UGT1A6: variants seen among roughly 807,000 people sequenced by gnomAD.
UGT1A6 encodes the protein UDP-glucuronosyltransferase 1A6.
Under a neutral mutation model 44.4 loss-of-function variants are expected in UGT1A6, and 32 were observed. That is an observed-to-expected ratio of 0.72 (90% CI 0.54 to 0.97). The LOEUF is 0.97. Ranked by LOEUF, UGT1A6 falls within the 50% of genes least tolerant of loss-of-function variation. UGT1A6 has a pLI of 0.00. For missense variants in UGT1A6, 685 were observed against 661.9 expected (o/e 1.03, Z -0.38); for synonymous variants, 238 against 248.5 (o/e 0.96, Z 0.40).
At chr2:233,719,078 G>C in intron 1 of UGT1A6, 1 of 1,614,254 alleles carries the variant, frequency 6.2e-7, no homozygotes, top group Non-Finnish European at 8.5e-7. Flanking sequence ...CATGGACCCA[G>C]AAGGAATTTG....
At chr2:233,758,569 A>C (rs1696913404) in intron 1 of UGT1A6, among the ~76,000 whole-genome samples, 2 of 152,222 alleles carry the variant, frequency 1.3e-5, no homozygotes, top group Non-Finnish European at 2.9e-5. Context: ...TGGTCCTAAA[A>C]AATGAAGAGT....
Position 233,766,262 on chromosome 2 carries a change from C to T in UGT1A6, c.862-772C>T, listed in dbSNP as rs34353734. On this transcript the variant is annotated intron_variant, in intron 1 of 4. Coordinates refer to ENST00000305139, the MANE Select transcript of UGT1A6 (RefSeq NM_001072.4). ...CCCCTGGAGTCAGACCGCTCAGTGG[C>T]CCGGGCTCGGTGGCCCGGGCTCGGT... is the stretch of plus-strand genomic sequence containing the variant. Among the ~76,000 whole-genome samples, 215 of 68,078 alleles carry T rather than the reference C, an allele frequency of 3.2e-3. 2 individuals carry two copies. Among genetic ancestry groups the T allele is most frequent in the African/African-American group, 0.015 (204 of 13,924 alleles). 44.7% of individuals were successfully genotyped at this position (68,078 alleles called of 152,430 possible).
chr2:233,757,558 A>ATATATATATATATATATATATATC (rs1553619909), intron 1 of UGT1A6, among the ~76,000 whole-genome samples: 1 of 124,446 alleles, frequency 8.0e-6, no homozygotes, highest in African/African-American at 3.3e-5. Context: ...ATATATATAT[A>ATATATATATATATATATATATATC]TATGTATATA....
intron 1 of UGT1A6, among the ~76,000 whole-genome samples, chr2:233,732,777 G>A: frequency 7.1e-6 from 1 of 141,314 alleles, no homozygotes; most frequent in Non-Finnish European, 1.5e-5. Flanking sequence ...TTTTTGCTTA[G>A]GATTGTCTTG....
At chr2:233,712,888 T>C in intron 1 of UGT1A6, 6 of 1,603,412 alleles carry the variant, frequency 3.7e-6, no homozygotes, top group Non-Finnish European at 5.1e-6. Flanking sequence ...CAATTACATG[T>C]TGATTTGCTA....
chr2:233,765,063 G>A (rs1333981989), intron 1 of UGT1A6, among the ~76,000 whole-genome samples: 3 of 152,054 alleles, frequency 2.0e-5, no homozygotes, highest in Non-Finnish European at 4.4e-5. Flanking sequence ...CCCTGTCAGA[G>A]GTCTCCTGTG....
At position 233,730,468 on chromosome 2, in the gene UGT1A6, C is replaced by T. The variant is rs1456755301; in HGVS notation, c.862-36566C>T. ...TGATAGACAGGTGACCACAGGAGAC[C>T]TAGGCACTCACATGAAATAGAAGTG... On this transcript the variant is annotated intron_variant, in intron 1 of 4. Coordinates refer to ENST00000305139, the MANE Select transcript of UGT1A6 (RefSeq NM_001072.4). 5.3e-5 allele frequency among the ~76,000 whole-genome samples: 8 copies of T among 152,226 alleles called. No individual in the cohort carries two copies. In the East Asian group the frequency reaches 1.3e-3, roughly 26 times the overall value.
chr2:233,702,878 T>C (rs2075711688), intron 1 of UGT1A6, among the ~76,000 whole-genome samples: 1 of 152,206 alleles, frequency 6.6e-6, no homozygotes, highest in South Asian at 2.1e-4. Flanking sequence ...TATTGAGGAC[T>C]TTTGCATCAT....
intron 1 of UGT1A6, chr2:233,748,073 A>G (rs1311035028): frequency 6.2e-7 from 1 of 1,613,214 alleles, no homozygotes; most frequent in Non-Finnish European, 8.5e-7. Context: ...GGAAGCCACT[A>G]TCTCAGGTCG....
chr2:233,709,732 ATAC>A (rs1331769272), intron 1 of UGT1A6, among the ~76,000 whole-genome samples: 2 of 152,330 alleles, frequency 1.3e-5, no homozygotes, highest in East Asian at 1.9e-4. Flanking sequence ...TTTTCAATTG[ATAC>A]TACTAAAATA....
chr2:233,713,091 G>C lies in UGT1A6; in HGVS notation c.861+19226G>C, dbSNP rs200372008. ...GGCTGAGAGTGGGAAGGTGCTGGTGGTGCCCACTGATGGCAGCCACTGGCT... is the reference window on the plus strand; with the variant it reads ...GGCTGAGAGTGGGAAGGTGCTGGTGCTGCCCACTGATGGCAGCCACTGGCT... On this transcript the variant is annotated intron_variant, in intron 1 of 4. Transcript: ENST00000305139. The C allele has an allele frequency of 3.7e-6, 6 of 1,614,180 alleles. No individual in the cohort carries two copies. The Admixed American group carries it at 1.0e-4, about 27-fold the overall frequency.
chr2:233,744,298 C>CAA (rs1268189339), intron 1 of UGT1A6, among the ~76,000 whole-genome samples: 1 of 151,760 alleles, frequency 6.6e-6, no homozygotes, highest in Non-Finnish European at 1.5e-5. Flanking sequence ...TTTCCTCGGC[C>CAA]ACAGGAGGGA....
In UGT1A6 at chr2:233,730,882, A is replaced by G. The variant is rs150237801; in HGVS notation, c.862-36152A>G. On this transcript the variant is annotated intron_variant, in intron 1 of 4. Coordinates refer to ENST00000305139, the MANE Select transcript of UGT1A6 (RefSeq NM_001072.4). ...ACCCTACTGCACTCCAGGTTTCTAT[A>G]GTGGGATCTACTCCTTTACCAAAAA... 3.7e-3 allele frequency among the ~76,000 whole-genome samples: 556 copies of G among 152,264 alleles called. 1 individual carries two copies. The highest frequency in any genetic ancestry group is 7.3e-3 in the Admixed American group (112 of 15,302).
At chr2:233,772,199 A>T (rs1700481420) in intron 4 of UGT1A6, 63 bp from the exon 5 acceptor site, 2 of 1,605,338 alleles carry the variant, frequency 1.2e-6, no homozygotes, top group African/African-American at 1.3e-5. Flanking sequence ...AGCCATGAGC[A>T]TAAAGAGAGG....
intron 1 of UGT1A6, among the ~76,000 whole-genome samples, chr2:233,699,142 G>A (rs564222627): frequency 2.6e-5 from 4 of 152,274 alleles, no homozygotes; most frequent in African/African-American, 7.2e-5. Context: ...ATTCTCATGG[G>A]TGCCTTGCAA....
In UGT1A6 at chr2:233,693,690, AT is replaced by A; in HGVS notation, c.687del (p.Tyr229Ter). 1 of 1,614,250 alleles carries A rather than the reference AT, an allele frequency of 6.2e-7. No homozygotes were observed. The highest frequency in any genetic ancestry group is 8.5e-7 in the Non-Finnish European group (1 of 1,180,042). ...PYLFYCLFSK[Y>X]EELASAVLKR... The stretch of plus-strand genomic sequence containing the variant: ...CTATTTTATTGTCTGTTTTCAAAGT[AT>A]GAAGAACTCGCATCAGCTGTCCTCA... On this transcript the variant is annotated frameshift_variant, in exon 1 of 5. Coordinates refer to ENST00000305139, the MANE Select transcript of UGT1A6 (RefSeq NM_001072.4). LOFTEE classifies it high-confidence loss of function.
At chr2:233,756,805 G>A (rs1176135462) in intron 1 of UGT1A6, among the ~76,000 whole-genome samples, 2 of 151,978 alleles carry the variant, frequency 1.3e-5, no homozygotes, top group South Asian at 2.1e-4. Context: ...CACTAGTAAA[G>A]GTCACTCAAT....
chr2:233,737,993 C>T (rs1690655503), intron 1 of UGT1A6, among the ~76,000 whole-genome samples: 1 of 151,916 alleles, frequency 6.6e-6, no homozygotes, highest in African/African-American at 2.4e-5. Flanking sequence ...GCTCTGTGTC[C>T]CCCACCAAAT....
At chr2:233,759,117 T>G (rs1697059369) in intron 1 of UGT1A6, among the ~76,000 whole-genome samples, 2 of 152,238 alleles carry the variant, frequency 1.3e-5, no homozygotes, top group African/African-American at 4.8e-5. Flanking sequence ...ACCAGGGAGT[T>G]ACAGCCTCTG....
Sources: allele counts gnomAD v4.1 joint callset (sites outside exome capture counted in the v4.1 genomes callset), GRCh38; gene constraint gnomAD v4.1.1; transcripts MANE v1.5; gene names NCBI Gene and HGNC (gene_info 2026-07-23, HGNC 2026-07-21).